The following LGI4 variants were observed in gnomAD, a reference collection of about 807,000 sequenced individuals.
The protein encoded by LGI4 is leucine-rich repeat LGI family member 4.
In LGI4, 36 loss-of-function variants were observed where a neutral mutation model predicts 48.3. The observed-to-expected ratio is 0.75, with a 90% confidence interval of 0.57 to 0.98. The LOEUF (loss-of-function observed/expected upper bound fraction) is 0.98, where lower values mean the gene tolerates loss of function less well. Among genes scored for constraint, LGI4 ranks in the 50% least tolerant of loss-of-function variants. The pLI is 0.00. For synonymous variants in LGI4, 355 were observed against 331.6 expected (o/e 1.07, Z -0.77); for missense variants, 701 against 732.1 (o/e 0.96, Z 0.49).
Position 35,133,768 on chromosome 19 carries a change from G to T in LGI4, c.243-4C>A, listed in dbSNP as rs749557769. 18 of 1,602,188 alleles carry T rather than the reference G, an allele frequency of 1.1e-5. No homozygotes were observed. In the Admixed American group the frequency reaches 1.2e-4, roughly 11 times the overall value. ...GAAGGAGTTGGAGGTGAAGAGGCTG[G>T]CAAGGGGGCAAGAAAGAAATTTTTC... On this transcript the variant is annotated splice_region_variant and splice_polypyrimidine_tract_variant and intron_variant, in intron 2 of 8. Transcript: ENST00000310123.
chr19:35,134,545 G>A lies in LGI4; in HGVS notation c.136C>T (p.Leu46=). 1.9e-6 allele frequency: 3 copies of A among 1,585,750 alleles called. No individual in the cohort carries two copies. Among genetic ancestry groups the A allele is most frequent in the African/African-American group, 2.7e-5 (2 of 74,884 alleles). ...DSALCEGSPD[L]PVSFSPTLLS... ...AGGGTCGGAGAGAAGCTGACGGGCA[G>A]GTCCGGGGAGCCCTCACACAGGGCG... Residue 46 remains leucine, a synonymous_variant, in exon 1 of 9, where the codon CTG becomes TTG. Transcript: ENST00000310123.
chr19:35,125,122 C>G lies in LGI4; in HGVS notation c.*71G>C. On this transcript the variant is annotated 3_prime_UTR_variant, in exon 9 of 9. Transcript: ENST00000310123. The stretch of plus-strand genomic sequence containing the variant: ...GCAGCTCACAGGCGGGCCATCACCC[C>G]AAGTAGGGCCAGGAGCCAGCCAAGG... 7.3e-7 allele frequency: 1 copy of G among 1,371,864 alleles called. No homozygotes were observed. Among genetic ancestry groups the G allele is most frequent in the Non-Finnish European group, 9.8e-7 (1 of 1,017,754 alleles). The allele number at this position is 1,371,864 out of a possible 1,614,324, so 85.0% of individuals were successfully genotyped here. A position where few individuals can be genotyped will look rare whatever the true frequency, so the allele number is the denominator to read the frequency against.
chr19:35,131,882 C>T, intron 4 of LGI4, 22 bp from the exon 5 acceptor site: 1 of 1,564,308 alleles, frequency 6.4e-7, no homozygotes, highest in South Asian at 1.2e-5. Context: ...AGAGAAGGCA[C>T]CGTCAGCAGC....
chr19:35,134,000 A>C, intron 2 of LGI4, 33 bp downstream of exon 2: 1 of 1,547,292 alleles, frequency 6.5e-7, no homozygotes, highest in Non-Finnish European at 8.8e-7. Flanking sequence ...CACTCCCTTG[A>C]GCTGGTTGTC....
chr19:35,127,233 G>A (rs956221512), intron 6 of LGI4, among the ~76,000 whole-genome samples: 3 of 152,206 alleles, frequency 2.0e-5, no homozygotes, highest in Non-Finnish European at 1.5e-5. Flanking sequence ...CTCCCAGGCT[G>A]AAGTGCAGTG....
chr19:35,128,105 C>G (rs989283545), intron 6 of LGI4, among the ~76,000 whole-genome samples: 1 of 152,250 alleles, frequency 6.6e-6, no homozygotes, highest in Non-Finnish European at 1.5e-5. Context: ...AACCTGGTTT[C>G]AAGCCTGAAA....
chr19:35,127,356 T>G (rs1418773230), intron 6 of LGI4, among the ~76,000 whole-genome samples: 1 of 152,122 alleles, frequency 6.6e-6, no homozygotes, highest in East Asian at 1.9e-4. Flanking sequence ...TATTTTTTTA[T>G]TTTTTGCAGA....
Position 35,131,464 on chromosome 19 carries a change from C to T in LGI4, c.550G>A (p.Ala184Thr), listed in dbSNP as rs147992428. ...CTCAGGGAGGCGGGGCCCGCACAGG[C>T]GCCGGTCCCCACGCTGGCATTCACG... ...PTVNASVGTG[A>T]CAGPASLSHM... The change falls in exon 6 of 9, where the codon GCC becomes ACC. Residue 184 changes from alanine to threonine, a missense_variant. Physicochemically the swap from Ala to Thr is moderately conservative, Grantham distance 58. Transcript: ENST00000310123. 494 of 1,551,516 alleles carry T rather than the reference C, an allele frequency of 3.2e-4. No individual in the cohort carries two copies. The East Asian group carries it at 0.011, about 34-fold the overall frequency.
intron 5 of LGI4, 80 bp from the exon 6 acceptor site, chr19:35,131,635 G>T: frequency 6.7e-7 from 1 of 1,500,108 alleles, no homozygotes. Flanking sequence ...CCTCAGGCAA[G>T]TGTCCCCAGA....
chr19:35,134,479 A>C, intron 1 of LGI4, 32 bp downstream of exon 1: 1 of 1,559,904 alleles, frequency 6.4e-7, no homozygotes, highest in African/African-American at 1.3e-5. Context: ...TTCCGTCCCC[A>C]CCTTCGGGCA....
rs746005371 is a variant in LGI4, at chr19:35,126,701, C to G, written c.868G>C (p.Gly290Arg). Residue 290 changes from glycine (G) to arginine (R), a missense_variant, in exon 8 of 9, where the codon GGC becomes CGC. Around this residue, in one of 3 missense-constraint regions of LGI4, gnomAD observed 462 missense variants for 436.4 expected, o/e 1.06. Transcript: ENST00000310123. ...CTGGGCCGGGCCCACAGCTGTGAGC[C>G]CCCCCACAGGCGGGCAGCCAGCACG... is the stretch of plus-strand genomic sequence containing the variant. ...LFVLAARLWG[G>R]SQLWARPSPG... 5.9e-6 allele frequency: 9 copies of G among 1,538,016 alleles called. No individual in the cohort carries two copies. In the East Asian group the frequency reaches 7.3e-5, roughly 12 times the overall value.
chr19:35,133,985 A>G (rs1384138062), intron 2 of LGI4, 48 bp downstream of exon 2: 1 of 1,529,264 alleles, frequency 6.5e-7, no homozygotes, highest in African/African-American at 1.4e-5. Context: ...ATGTGCATAA[A>G]CGCACACTCC....
rs12978414 is a variant in LGI4 at position 35,125,658 on chromosome 19, C to G, written c.1300-151G>C. ...ACCCACCTGTTCGGCCACACACATG[C>G]AGTTGTTCTGAGCCCTTCCCTTGCC... On this transcript the variant is annotated intron_variant, in intron 8 of 8. Coordinates refer to ENST00000310123, the MANE Select transcript of LGI4 (RefSeq NM_139284.3). The G allele has an allele frequency of 0.36, 263,253 of 736,320 alleles. 49,753 individuals carry two copies. The highest frequency in any genetic ancestry group is 0.55 in the South Asian group (34,893 of 63,852). 45.6% of individuals were successfully genotyped at this position (736,320 alleles called of 1,614,324 possible).
chr19:35,130,340 C>G (rs1041343845), intron 6 of LGI4, among the ~76,000 whole-genome samples: 7 of 152,128 alleles, frequency 4.6e-5, no homozygotes, highest in Admixed American at 2.6e-4. Context: ...AGGGGCAGGT[C>G]CCCTTCATAT....
intron 8 of LGI4, 144 bp downstream of exon 8, chr19:35,126,126 G>A (rs2065133488): frequency 1.1e-6 from 1 of 886,774 alleles, no homozygotes; most frequent in African/African-American, 1.7e-5. Context: ...CCAGCCTTGA[G>A]GGGGTCAGAG....
intron 6 of LGI4, among the ~76,000 whole-genome samples, chr19:35,129,523 T>A (rs575806584): frequency 6.6e-6 from 1 of 152,292 alleles, no homozygotes; most frequent in African/African-American, 2.4e-5. Context: ...CTATATTGAC[T>A]CATGGTTTAA....
intron 2 of LGI4, 60 bp from the exon 3 acceptor site, chr19:35,133,824 C>G: frequency 6.5e-7 from 1 of 1,529,624 alleles, no homozygotes; most frequent in Non-Finnish European, 8.9e-7. Context: ...GACATTTTAA[C>G]CCTGGCCTCC....
rs1369764599 is a variant in LGI4 at position 35,126,664 on chromosome 19, C to T, written c.905G>A (p.Arg302His). 1.3e-6 allele frequency: 2 copies of T among 1,535,484 alleles called. No homozygotes were observed. Among genetic ancestry groups the T allele is most frequent in the Non-Finnish European group, 1.7e-6 (2 of 1,146,178 alleles). ...QLWARPSPGL[R>H]LAPTQTLAPR... ...GGCCAGGGTCTGCGTTGGGGCCAGGCGCAGGCCGGGACTGGGCCGGGCCCA... is the reference window on the plus strand; with the variant it reads ...GGCCAGGGTCTGCGTTGGGGCCAGGTGCAGGCCGGGACTGGGCCGGGCCCA... The change falls in exon 8 of 9, where the codon CGC becomes CAC. Residue 302 changes from arginine (R) to histidine (H), a missense_variant. By Grantham distance (29) the Arg-to-His change is conservative. Transcript: ENST00000310123.
Position 35,131,520 on chromosome 19 carries a change from C to T in LGI4, c.494G>A (p.Arg165His), listed in dbSNP as rs547959045. The change falls in exon 6 of 9, where the codon CGC (arginine) becomes CAC (histidine). Residue 165 changes from arginine to histidine, a missense_variant. Physicochemically the swap from Arg to His is conservative, Grantham distance 29. Coordinates refer to ENST00000310123, the MANE Select transcript of LGI4 (RefSeq NM_139284.3). ...CATCCACTGCAGGAGCCAGAGGACG[C>T]GGCAGTCACACTGGAACGGGTTCCC... is the stretch of plus-strand genomic sequence containing the variant. ...LRGNPFQCDC[R>H]VLWLLQWMPT... The T allele has an allele frequency of 1.0e-4, 158 of 1,551,234 alleles. 4 individuals carry two copies. In the South Asian group the frequency reaches 1.4e-3, roughly 14 times the overall value.
Sources: allele counts gnomAD v4.1 joint callset (sites outside exome capture counted in the v4.1 genomes callset), GRCh38; gene constraint gnomAD v4.1.1; regional missense constraint gnomAD v4.1.1; transcripts MANE v1.5; gene names NCBI Gene and HGNC (gene_info 2026-07-23, HGNC 2026-07-21).